CFAP61: variants seen among roughly 807,000 people sequenced by gnomAD.
The protein encoded by CFAP61 is cilia and flagella associated protein 61.
A neutral mutation model predicts 135.6 loss-of-function variants in CFAP61; 107 were observed. The observed-to-expected ratio is 0.79, with a 90% confidence interval of 0.67 to 0.93. The LOEUF (loss-of-function observed/expected upper bound fraction) is 0.93. CFAP61 is among the 40% of genes least tolerant of loss of function. CFAP61 has a pLI of 0.00. For missense variants in CFAP61, 1,507 were observed against 1,556.2 expected, an observed-to-expected ratio of 0.97 and a Z score of 0.53; for synonymous variants, 575 against 578.5, an observed-to-expected ratio of 0.99 and a Z score of 0.09.
chr20:20,220,125 C>T (rs1017562949), intron 17 of CFAP61: 3 of 152,322 alleles, frequency 2.0e-5, no homozygotes, highest in Non-Finnish European at 4.4e-5. Context: ...TACCCCCCAG[C>T]CTCCGCGGAG....
chr20:20,289,037 C>A, intron 23 of CFAP61, 101 bp downstream of exon 23: 1 of 823,674 alleles, frequency 1.2e-6, no homozygotes, highest in Non-Finnish European at 1.9e-6. Flanking sequence ...GGGGAAAAGG[C>A]TCCTCCGTAC....
At chr20:20,290,425 A>C in intron 24 of CFAP61, 34 bp downstream of exon 24, 1 of 1,392,906 alleles carries the variant, frequency 7.2e-7, no homozygotes, top group Non-Finnish European at 1.0e-6. Flanking sequence ...TTTTACTTTC[A>C]AATACAAAAC....
chr20:20,220,191 A>T (rs1008721373), intron 17 of CFAP61: 4 of 152,078 alleles, frequency 2.6e-5, no homozygotes, highest in Non-Finnish European at 5.9e-5. Flanking sequence ...TTCATCAACC[A>T]TGCCTACACG....
chr20:20,214,730 C>G (rs961419606), intron 17 of CFAP61, among the ~76,000 whole-genome samples: 2 of 152,222 alleles, frequency 1.3e-5, no homozygotes, highest in African/African-American at 4.8e-5. Context: ...AGATGAAGGC[C>G]TAAAATCTCA....
At chr20:20,165,360 A>G (rs1346110225) in intron 11 of CFAP61, among the ~76,000 whole-genome samples, 1 of 152,148 alleles carries the variant, frequency 6.6e-6, no homozygotes, top group Non-Finnish European at 1.5e-5. Flanking sequence ...GCTCCATGCC[A>G]AATCTGCAGC....
chr20:20,074,160 G>A, intron 3 of CFAP61, 142 bp from the exon 4 acceptor site: 1 of 684,154 alleles, frequency 1.5e-6, no homozygotes, highest in Non-Finnish European at 2.7e-6. Flanking sequence ...CCTGGGTGTT[G>A]CATCACTTAG....
chr20:20,159,911 G>C (rs1450338416), intron 10 of CFAP61, among the ~76,000 whole-genome samples: 1 of 152,212 alleles, frequency 6.6e-6, no homozygotes, highest in Non-Finnish European at 1.5e-5. Flanking sequence ...AGGCCAAGGG[G>C]CATAGCATCT....
At chr20:20,129,390 C>T (rs2050328754) in intron 8 of CFAP61, among the ~76,000 whole-genome samples, 1 of 151,868 alleles carries the variant, frequency 6.6e-6, no homozygotes, top group Non-Finnish European at 1.5e-5. Flanking sequence ...AAAATGTCAT[C>T]TCACTCCCAC....
intron 18 of CFAP61, among the ~76,000 whole-genome samples, chr20:20,245,738 C>T (rs2050403727): frequency 6.6e-6 from 1 of 152,168 alleles, no homozygotes; most frequent in Non-Finnish European, 1.5e-5. Flanking sequence ...TGACTGGAAG[C>T]AGTCATCAGG....
chr20:20,175,499 GTTTTGTTTTGTTTTGTTTTGTTTTGTTT>G (rs2054555105), intron 13 of CFAP61, among the ~76,000 whole-genome samples: 1 of 3,220 alleles, frequency 3.1e-4, no homozygotes, highest in Non-Finnish European at 1.6e-3. Context: ...TTTTTGTTTT[GTTTTGTTTTGTTTTGTTTTGTTTTGTTT>G]TGTTTTGTTT....
At chr20:20,318,609 G>T (rs183483004) in intron 25 of CFAP61, among the ~76,000 whole-genome samples, 2 of 152,274 alleles carry the variant, frequency 1.3e-5, no homozygotes, top group Admixed American at 6.5e-5. Flanking sequence ...AAATCATGGG[G>T]AGTCCCAGGC....
chr20:20,350,923 C>G (rs912350545), intron 26 of CFAP61, among the ~76,000 whole-genome samples: 2 of 152,136 alleles, frequency 1.3e-5, no homozygotes, highest in Non-Finnish European at 2.9e-5. Flanking sequence ...AAATAAAAAA[C>G]CTCTCAACAA....
At chr20:20,212,715 C>G (rs1186164710) in intron 17 of CFAP61, among the ~76,000 whole-genome samples, 3 of 152,228 alleles carry the variant, frequency 2.0e-5, no homozygotes, top group Admixed American at 2.0e-4. Flanking sequence ...ACTCCCTGCT[C>G]CTGCCTGGAT....
At chr20:20,358,848 C>A (rs1240873514) in intron 26 of CFAP61, among the ~76,000 whole-genome samples, 1 of 152,176 alleles carries the variant, frequency 6.6e-6, no homozygotes, top group Non-Finnish European at 1.5e-5. Flanking sequence ...CAAGGAATTG[C>A]CTTTTCTATT....
chr20:20,338,762 C>A (rs558831840), intron 25 of CFAP61, among the ~76,000 whole-genome samples: 1 of 152,248 alleles, frequency 6.6e-6, no homozygotes, highest in African/African-American at 2.4e-5. Context: ...GCCAAGCCGG[C>A]CTTCACATCC....
intron 22 of CFAP61, among the ~76,000 whole-genome samples, chr20:20,285,776 C>T (rs893818486): frequency 1.3e-5 from 2 of 151,784 alleles, no homozygotes; most frequent in Non-Finnish European, 2.9e-5. Context: ...AAAAATTAGC[C>T]GGGTATGGTG....
At chr20:20,132,283 T>G (rs895871757) in intron 8 of CFAP61, among the ~76,000 whole-genome samples, 1 of 152,160 alleles carries the variant, frequency 6.6e-6, no homozygotes, top group Non-Finnish European at 1.5e-5. Context: ...ATAATAATAG[T>G]CTGTTGTATA....
At chr20:20,091,857 T>C (rs1458017105) in intron 7 of CFAP61, among the ~76,000 whole-genome samples, 1 of 152,186 alleles carries the variant, frequency 6.6e-6, no homozygotes. Flanking sequence ...TTTGTATTTT[T>C]AGTAGAGACG....
chr20:20,291,171 A>G (rs1417134637), intron 24 of CFAP61, among the ~76,000 whole-genome samples: 1 of 152,186 alleles, frequency 6.6e-6, no homozygotes, highest in Non-Finnish European at 1.5e-5. Flanking sequence ...ATTATTATCA[A>G]CTAAAGCCCA....
Sources: allele counts gnomAD v4.1 joint callset (sites outside exome capture counted in the v4.1 genomes callset), GRCh38; gene constraint gnomAD v4.1.1; transcripts MANE v1.5; gene names NCBI Gene and HGNC (gene_info 2026-07-23, HGNC 2026-07-21).